FOXN3: variants seen among roughly 807,000 people sequenced by gnomAD.
The protein encoded by FOXN3 is forkhead box protein N3.
A neutral mutation model predicts 38.4 loss-of-function variants in FOXN3; 7 were observed. The observed-to-expected ratio is 0.18, with a 90% CI of 0.10 to 0.34. The LOEUF is 0.34. Among genes scored for constraint, FOXN3 ranks in the 10% least tolerant of loss-of-function variants. FOXN3 has a pLI of 1.00. For missense variants in FOXN3, 456 were observed against 613.4 expected, an observed-to-expected ratio of 0.74 and a Z score of 2.71; for synonymous variants, 230 against 242.2, an observed-to-expected ratio of 0.95 and a Z score of 0.47.
intron 4 of FOXN3, among the ~76,000 whole-genome samples, chr14:89,270,495 A>C (rs945164771): frequency 3.9e-5 from 6 of 152,238 alleles, no homozygotes; most frequent in Non-Finnish European, 7.3e-5. Flanking sequence ...AATCCCATGA[A>C]GTAAGTACTA....
chr14:89,532,966 G>A (rs1439836616), intron 1 of FOXN3, among the ~76,000 whole-genome samples: 2 of 152,158 alleles, frequency 1.3e-5, no homozygotes, highest in Non-Finnish European at 2.9e-5. Flanking sequence ...AAGGTAGGAG[G>A]CTGACATGCC....
chr14:89,468,911 G>A (rs1440228301), intron 1 of FOXN3, among the ~76,000 whole-genome samples: 1 of 152,142 alleles, frequency 6.6e-6, no homozygotes, highest in Non-Finnish European at 1.5e-5. Flanking sequence ...CATACATTTT[G>A]AGAGACGTCG....
chr14:89,409,868 A>G lies in FOXN3; in HGVS notation c.543+2066T>C, dbSNP rs144623939. Among the ~76,000 whole-genome samples, 408 of 152,328 alleles carry G rather than the reference A, an allele frequency of 2.7e-3. 3 individuals carry two copies. Among genetic ancestry groups the G allele is most frequent in the African/African-American group, 9.2e-3 (384 of 41,566 alleles). Reference sequence around the variant, plus strand: ...TCCAAATGCCCAACCTGAGATACGGAGGGAAGGAGAAAGAGCTTCATGGTC... The same window carrying G: ...TCCAAATGCCCAACCTGAGATACGGGGGGAAGGAGAAAGAGCTTCATGGTC... On this transcript the variant is annotated intron_variant, in intron 2 of 5. Coordinates refer to ENST00000557258, the MANE Select transcript of FOXN3 (RefSeq NM_005197.4).
intron 4 of FOXN3, among the ~76,000 whole-genome samples, chr14:89,199,410 C>T (rs1888179663): frequency 6.6e-6 from 1 of 152,208 alleles, no homozygotes; most frequent in Admixed American, 6.5e-5. Context: ...AGACGGAGAA[C>T]ACCAAGAGGG....
intron 1 of FOXN3, among the ~76,000 whole-genome samples, chr14:89,479,618 C>A (rs1400212642): frequency 6.6e-6 from 1 of 152,150 alleles, no homozygotes; most frequent in Non-Finnish European, 1.5e-5. Flanking sequence ...AATACAAACT[C>A]TTACCTACCT....
intron 1 of FOXN3, among the ~76,000 whole-genome samples, chr14:89,506,070 TG>T (rs1394803417): frequency 3.5e-5 from 4 of 112,874 alleles, no homozygotes; most frequent in East Asian, 2.6e-4. Flanking sequence ...AGAAGGGAGG[TG>T]GGGGGGTCAG....
intron 5 of FOXN3, among the ~76,000 whole-genome samples, chr14:89,178,273 T>C (rs35041479): frequency 0.18 from 27,369 of 151,874 alleles, 2,899 homozygotes; most frequent in Admixed American, 0.24. Context: ...AGCCTCTCAG[T>C]GTTGGGATTA....
intron 1 of FOXN3, among the ~76,000 whole-genome samples, chr14:89,511,233 TTTCCTTTTC>T (rs1894073839): frequency 4.2e-5 from 1 of 24,056 alleles, no homozygotes; most frequent in East Asian, 4.4e-4. Flanking sequence ...CTTTCTTTTC[TTTCCTTTTC>T]TTTCTTTTCT....
At chr14:89,209,179 C>T (rs1472398616) in intron 4 of FOXN3, among the ~76,000 whole-genome samples, 1 of 152,212 alleles carries the variant, frequency 6.6e-6, no homozygotes, top group Non-Finnish European at 1.5e-5. Context: ...ACTCACAGAA[C>T]CAGCTGTAGT....
At chr14:89,505,328 G>A (rs951683410) in intron 1 of FOXN3, among the ~76,000 whole-genome samples, 8 of 136,304 alleles carry the variant, frequency 5.9e-5, no homozygotes, top group African/African-American at 1.7e-4. Flanking sequence ...ATGCCGAGCC[G>A]AGGCTGGACT....
chr14:89,243,562 T>C (rs6575047), intron 4 of FOXN3, among the ~76,000 whole-genome samples: 121,800 of 152,148 alleles, frequency 0.8, 48,789 homozygotes, highest in Non-Finnish European at 0.82. Flanking sequence ...AATGTATCCT[T>C]GATGACTGCA....
At chr14:89,580,210 C>T (rs924312232) in intron 1 of FOXN3, among the ~76,000 whole-genome samples, 8 of 152,176 alleles carry the variant, frequency 5.3e-5, no homozygotes, top group African/African-American at 1.9e-4. Context: ...AACTTGTATT[C>T]GGCTCTTCCA....
At chr14:89,314,666 G>C (rs900438707) in intron 3 of FOXN3, among the ~76,000 whole-genome samples, 1 of 152,206 alleles carries the variant, frequency 6.6e-6, no homozygotes, top group African/African-American at 2.4e-5. Context: ...TGGTGGCCAA[G>C]ATGAGCTCAG....
At chr14:89,502,617 C>T (rs1332817922) in intron 1 of FOXN3, among the ~76,000 whole-genome samples, 1 of 152,152 alleles carries the variant, frequency 6.6e-6, no homozygotes, top group Non-Finnish European at 1.5e-5. Flanking sequence ...CTTAGCGGTG[C>T]ATAAAATCAT....
intron 4 of FOXN3, among the ~76,000 whole-genome samples, chr14:89,260,305 C>T (rs1596137811): frequency 6.6e-6 from 1 of 152,226 alleles, no homozygotes; most frequent in Admixed American, 6.5e-5. Context: ...CTTTTCTGTA[C>T]GGGGATCTGC....
At chr14:89,328,119 T>C (rs574756291) in intron 3 of FOXN3, among the ~76,000 whole-genome samples, 1 of 152,388 alleles carries the variant, frequency 6.6e-6, no homozygotes, top group African/African-American at 2.4e-5. Context: ...TTTGTACAGA[T>C]GACCGAAAGC....
chr14:89,524,391 AAAAAAAAAAAAAGAAAG>A (rs1894389214), intron 1 of FOXN3, among the ~76,000 whole-genome samples: 2 of 96,852 alleles, frequency 2.1e-5, no homozygotes, highest in African/African-American at 1.0e-4. Flanking sequence ...AAAAAAAAAA[AAAAAAAAAAAAAGAAAG>A]AAAGAAACTA....
chr14:89,202,649 C>A (rs893861071), intron 4 of FOXN3, among the ~76,000 whole-genome samples: 4 of 152,104 alleles, frequency 2.6e-5, no homozygotes, highest in African/African-American at 9.7e-5. Flanking sequence ...TGAGTTCTTG[C>A]TCTATGTGTT....
At chr14:89,239,420 A>G (rs183226159) in intron 4 of FOXN3, among the ~76,000 whole-genome samples, 1 of 152,302 alleles carries the variant, frequency 6.6e-6, no homozygotes, top group African/African-American at 2.4e-5. Context: ...GAATTCAAGT[A>G]GAGTACTTTC....
Sources: allele counts gnomAD v4.1 joint callset (sites outside exome capture counted in the v4.1 genomes callset), GRCh38; gene constraint gnomAD v4.1.1; transcripts MANE v1.5; gene names NCBI Gene and HGNC (gene_info 2026-07-23, HGNC 2026-07-21).